ACER3: variants seen among roughly 807,000 people sequenced by gnomAD.
ACER3 encodes the protein alkaline ceramidase 3, also known as alkCDase 3.
Under a neutral mutation model 48.9 loss-of-function variants are expected in ACER3, and 16 were observed. That is an observed-to-expected ratio of 0.33 (90% confidence interval 0.22 to 0.50). The LOEUF is 0.50. Among genes scored for constraint, ACER3 ranks in the 20% least tolerant of loss-of-function variants. The probability of loss-of-function intolerance (pLI) is 0.98; values close to 1 mark genes in which losing one functional copy is unlikely to be tolerated. For synonymous variants in ACER3, 109 were observed against 107.8 expected, an observed-to-expected ratio of 1.01 and a Z score of -0.07; for missense variants, 227 against 326.0, an observed-to-expected ratio of 0.70 and a Z score of 2.34.
intron 4 of ACER3, among the ~76,000 whole-genome samples, chr11:76,976,952 A>G (rs1300285525): frequency 6.6e-6 from 1 of 152,230 alleles, no homozygotes; most frequent in African/African-American, 2.4e-5. Flanking sequence ...CATTTCCTGA[A>G]TGTCAAGGAA....
rs1555025380 is a variant in ACER3, at chr11:77,024,977, T to G, written c.*4650T>G. 1 of 152,230 alleles carries G rather than the reference T, an allele frequency of 6.6e-6. No homozygotes were observed. The highest frequency in any genetic ancestry group is 1.9e-4 in the East Asian group (1 of 5,200). 9.4% of individuals were successfully genotyped at this position (152,230 alleles called of 1,614,324 possible). ...TAGCATCAGCCACAGGTCACTGCTC[T>G]GCATACAGTTCCTTTTCAACCCTTA... On this transcript the variant is annotated 3_prime_UTR_variant, in exon 11 of 11. Transcript: ENST00000532485.
At position 76,954,287 on chromosome 11, in the gene ACER3, C is replaced by T. The variant is rs148900555; in HGVS notation, c.215-4692C>T. ...ATCTATTTTCTATAAACCATGCATG[C>T]GAGTTTCATCATTGGATCCCTACAC... On this transcript the variant is annotated intron_variant, in intron 2 of 10. Transcript: ENST00000532485. Among the ~76,000 whole-genome samples, 1,130 of 152,210 alleles carry T rather than the reference C, an allele frequency of 7.4e-3. 11 individuals carry two copies. The highest frequency in any genetic ancestry group is 0.017 in the Middle Eastern group (5 of 294).
At chr11:76,960,458 ATAC>A (rs1186134551) in intron 3 of ACER3, among the ~76,000 whole-genome samples, 33 of 152,004 alleles carry the variant, frequency 2.2e-4, no homozygotes, top group African/African-American at 6.8e-4. Flanking sequence ...TATATCTAAA[ATAC>A]TACTTCTCTC....
intron 1 of ACER3, among the ~76,000 whole-genome samples, chr11:76,872,851 C>CT: frequency 6.6e-6 from 1 of 150,858 alleles, no homozygotes; most frequent in South Asian, 2.1e-4. Context: ...GGAATGTGGC[C>CT]TTAGAGTCTG....
At chr11:76,931,239 T>C (rs1366212821) in intron 2 of ACER3, among the ~76,000 whole-genome samples, 2 of 130,526 alleles carry the variant, frequency 1.5e-5, no homozygotes, top group South Asian at 5.0e-4. Context: ...TTGTCTCTTT[T>C]GATCTTTGTT....
intron 7 of ACER3, among the ~76,000 whole-genome samples, chr11:77,005,991 A>ATATT (rs1388727709): frequency 6.9e-5 from 7 of 100,876 alleles, no homozygotes; most frequent in African/African-American, 2.8e-4. Context: ...ATATATATAT[A>ATATT]TTTTTTTTTT....
At chr11:76,903,468 A>G (rs944847563) in intron 1 of ACER3, among the ~76,000 whole-genome samples, 1 of 18,030 alleles carries the variant, frequency 5.5e-5, no homozygotes, top group East Asian at 1.8e-3. Context: ...CCCCCGGCCC[A>G]CACACACACA....
intron 1 of ACER3, among the ~76,000 whole-genome samples, chr11:76,915,965 G>A (rs1337019178): frequency 1.3e-5 from 2 of 152,190 alleles, no homozygotes; most frequent in Non-Finnish European, 2.9e-5. Flanking sequence ...TGAGATTTGG[G>A]TGGGGACCCA....
intron 2 of ACER3, among the ~76,000 whole-genome samples, chr11:76,945,739 G>T (rs1947455272): frequency 6.6e-6 from 1 of 152,142 alleles, no homozygotes; most frequent in South Asian, 2.1e-4. Flanking sequence ...CAGGTATGTG[G>T]GCAGGTTCTC....
At position 76,949,861 on chromosome 11, in the gene ACER3, G is replaced by A. The variant is rs181088568; in HGVS notation, c.215-9118G>A. Among the ~76,000 whole-genome samples, 60 of 152,216 alleles carry A rather than the reference G, an allele frequency of 3.9e-4. 1 individual carries two copies. Among genetic ancestry groups the A allele is most frequent in the Non-Finnish European group, 7.6e-4 (52 of 68,010 alleles). On this transcript the variant is annotated intron_variant, in intron 2 of 10. Transcript: ENST00000532485. Reference sequence around the variant, plus strand: ...GAAAATCTATATTCCTTGGCACATGGGTTCTAATCTGGACTCTGTCTGCCT... The same window carrying A: ...GAAAATCTATATTCCTTGGCACATGAGTTCTAATCTGGACTCTGTCTGCCT...
chr11:76,991,815 C>CAAAAAAAAAAAAAAAAAAAGAAAAAA (rs5792751), intron 6 of ACER3, among the ~76,000 whole-genome samples: 1 of 123,290 alleles, frequency 8.1e-6, no homozygotes, highest in Non-Finnish European at 1.7e-5. Flanking sequence ...AACTCTGTCT[C>CAAAAAAAAAAAAAAAAAAAGAAAAAA]AAAAAAAAAA....
chr11:76,994,963 G>A (rs1948882723), intron 6 of ACER3, among the ~76,000 whole-genome samples: 1 of 152,070 alleles, frequency 6.6e-6, no homozygotes, highest in Admixed American at 6.6e-5. Flanking sequence ...AGGCTACCTA[G>A]GGGCTGGAGG....
rs756362938 is a variant in ACER3 at position 76,872,905 on chromosome 11, C to CTTTTTTTTTTTTT, written c.103+11831_103+11832insTTTTTTTTTTTTT. On this transcript the variant is annotated intron_variant, in intron 1 of 10. Coordinates refer to ENST00000532485, the MANE Select transcript of ACER3 (RefSeq NM_018367.7). ...TCTTTTCTTTCTTTCTTTCTTTTTT[C>CTTTTTTTTTTTTT]TTTTTCTTTTTTTTTTTTTTTTTTG... 4.5e-4 allele frequency among the ~76,000 whole-genome samples: 43 copies of CTTTTTTTTTTTTT among 94,570 alleles called. 5 individuals carry two copies. The highest frequency in any genetic ancestry group is 7.6e-4 in the African/African-American group (18 of 23,736). 62.0% of individuals were successfully genotyped at this position (94,570 alleles called of 152,430 possible). A position where few individuals can be genotyped will look rare whatever the true frequency, so the allele number is the denominator to read the frequency against.
At chr11:76,959,102 C>T (rs752001543) in intron 3 of ACER3, 71 bp downstream of exon 3, 1 of 1,608,590 alleles carries the variant, frequency 6.2e-7, no homozygotes. Flanking sequence ...GAGAAAAGAG[C>T]ACATAACTAT....
intron 7 of ACER3, among the ~76,000 whole-genome samples, chr11:77,010,993 A>T (rs944833556): frequency 6.6e-6 from 1 of 152,234 alleles, no homozygotes; most frequent in Admixed American, 6.5e-5. Flanking sequence ...CTTCGCCAAA[A>T]TGAGAGTACT....
At chr11:76,956,004 TACAG>T (rs1322374648) in intron 2 of ACER3, among the ~76,000 whole-genome samples, 1 of 152,180 alleles carries the variant, frequency 6.6e-6, no homozygotes, top group Non-Finnish European at 1.5e-5. Context: ...GGCAAATCTG[TACAG>T]ACAAAGTAGA....
chr11:76,939,478 C>G (rs1439613124), intron 2 of ACER3, among the ~76,000 whole-genome samples: 1 of 152,210 alleles, frequency 6.6e-6, no homozygotes, highest in East Asian at 1.9e-4. Context: ...TGCCTGTAGT[C>G]TCAACTAGTC....
At chr11:76,974,774 GT>G (rs1948396390) in intron 3 of ACER3, among the ~76,000 whole-genome samples, 2 of 72,636 alleles carry the variant, frequency 2.8e-5, no homozygotes, top group South Asian at 8.3e-4. Context: ...GTATGAAGGG[GT>G]TAAAAAAAAA....
Position 77,015,101 on chromosome 11 carries a change from T to C in ACER3, c.583T>C (p.Phe195Leu), listed in dbSNP as rs1479238526. 2 of 1,524,192 alleles carry C rather than the reference T, an allele frequency of 1.3e-6. No individual in the cohort carries two copies. The highest frequency in any genetic ancestry group is 1.8e-6 in the Non-Finnish European group (2 of 1,099,132). The allele number at this position is 1,524,192 out of a possible 1,614,324, so 94.4% of individuals were successfully genotyped here. A position where few individuals can be genotyped will look rare whatever the true frequency, so the allele number is the denominator to read the frequency against. The change falls in exon 8 of 11, where the codon TTT (phenylalanine) becomes CTT (leucine). Residue 195 changes from phenylalanine to leucine, a missense_variant. Phe to Leu is a conservative substitution (Grantham distance 22). Around this residue, in one of 3 missense-constraint regions of ACER3, gnomAD observed 195 missense variants for 290.8 expected, o/e 0.67. Coordinates refer to ENST00000532485, the MANE Select transcript of ACER3 (RefSeq NM_018367.7). ...GFLFWNIDNI[F>L]CESLRNFRKK... ...TTTATTTTGGAATATAGATAACATA[T>C]TTTGTGAGTCACTGAGGTAAGATAT...
Sources: gnomAD v4.1 joint callset for allele counts (sites outside exome capture counted in the v4.1 genomes callset) on GRCh38, gnomAD v4.1.1 for gene constraint, gnomAD v4.1.1 regional missense constraint, MANE v1.5 for transcripts, NCBI Gene and HGNC (gene_info 2026-07-23, HGNC 2026-07-21) for gene names.